Variants in PCDHA2 observed in about 807,000 individuals in gnomAD.
PCDHA2 encodes the protein protocadherin alpha-2.
Under a neutral mutation model 66.0 loss-of-function variants are expected in PCDHA2, and 58 were observed. That is an observed-to-expected ratio of 0.88 (90% CI 0.71 to 1.09). The LOEUF is 1.09. Ranked by LOEUF, PCDHA2 falls within the 50% of genes least tolerant of loss-of-function variation. The pLI is 0.00. For synonymous variants in PCDHA2, 634 were observed against 554.0 expected, an observed-to-expected ratio of 1.14 and a Z score of -2.03; for missense variants, 1,267 against 1,242.3, an observed-to-expected ratio of 1.02 and a Z score of -0.30.
chr5:140,832,284 T>C (rs1771894843), intron 1 of PCDHA2, among the ~76,000 whole-genome samples: 1 of 152,202 alleles, frequency 6.6e-6, no homozygotes, highest in Non-Finnish European at 1.5e-5. Context: ...TAAGCATGAA[T>C]GGTGTATTTG....
chr5:140,808,705 C>G (rs1562218779), intron 1 of PCDHA2: 1 of 1,612,176 alleles, frequency 6.2e-7, no homozygotes, highest in Admixed American at 1.7e-5. Flanking sequence ...CGCTGTCGAG[C>G]TACGTTTCGG....
chr5:140,870,579 G>T (rs1388213173), intron 1 of PCDHA2: 4 of 1,613,744 alleles, frequency 2.5e-6, no homozygotes, highest in Admixed American at 1.7e-5. Context: ...TGTCCTACTC[G>T]CTGGTGGAGC....
intron 1 of PCDHA2, chr5:140,864,182 TA>T: frequency 6.6e-6 from 1 of 152,352 alleles, no homozygotes; most frequent in East Asian, 1.9e-4. Context: ...TCATGATGAA[TA>T]ATGATCCTTA....
At chr5:140,836,674 C>CA in intron 1 of PCDHA2, 1 of 1,613,468 alleles carries the variant, frequency 6.2e-7, no homozygotes. Context: ...GGGGAGGGCC[C>CA]ACCCAAGACA....
chr5:140,856,440 G>C, intron 1 of PCDHA2: 2 of 1,598,404 alleles, frequency 1.3e-6, no homozygotes, highest in East Asian at 2.2e-5. Context: ...AACCCGCCCA[G>C]GTTCTCCGTA....
intron 1 of PCDHA2, among the ~76,000 whole-genome samples, chr5:140,957,708 T>TA (rs1330263414): frequency 6.6e-6 from 1 of 152,124 alleles, no homozygotes; most frequent in Non-Finnish European, 1.5e-5. Context: ...ATGTAGTTTT[T>TA]ATTAAGAAAG....
chr5:140,862,685 C>T (rs782248340), intron 1 of PCDHA2: 8 of 552,656 alleles, frequency 1.4e-5, no homozygotes, highest in Non-Finnish European at 1.8e-5. Flanking sequence ...GTGCTGGTGT[C>T]CTACTCGTTG....
intron 1 of PCDHA2, chr5:140,848,792 C>CAG (rs2150420729): frequency 1.3e-6 from 2 of 1,592,840 alleles, no homozygotes; most frequent in Non-Finnish European, 8.6e-7. Context: ...GCGGGCGGAG[C>CAG]GCGGAGTGCA....
intron 1 of PCDHA2, chr5:140,834,284 A>T: frequency 8.6e-7 from 1 of 1,167,116 alleles, no homozygotes; most frequent in Non-Finnish European, 1.2e-6. Flanking sequence ...TTGGATGCAC[A>T]ACAATGGCCA....
At chr5:140,836,614 C>G in intron 1 of PCDHA2, 1 of 1,613,584 alleles carries the variant, frequency 6.2e-7, no homozygotes, top group Non-Finnish European at 8.5e-7. Context: ...TGCTCCAGCG[C>G]GGTGGGGAGC....
At chr5:140,889,113 G>C (rs1256051132) in intron 1 of PCDHA2, among the ~76,000 whole-genome samples, 1 of 151,370 alleles carries the variant, frequency 6.6e-6, no homozygotes, top group East Asian at 1.9e-4. Context: ...TTTATTCCAG[G>C]TGATACTGAT....
intron 3 of PCDHA2, among the ~76,000 whole-genome samples, chr5:141,002,755 T>C (rs894161079): frequency 3.3e-5 from 5 of 152,174 alleles, no homozygotes; most frequent in Non-Finnish European, 7.3e-5. Flanking sequence ...GACAACCCTG[T>C]GATGTAGACA....
chr5:140,804,261 T>C (rs1212354141), intron 1 of PCDHA2: 1 of 152,214 alleles, frequency 6.6e-6, no homozygotes, highest in Non-Finnish European at 1.5e-5. Flanking sequence ...AGAATAACAA[T>C]TGCATTTAGA....
intron 3 of PCDHA2, among the ~76,000 whole-genome samples, chr5:140,994,778 G>A (rs1488910527): frequency 1.3e-5 from 2 of 152,152 alleles, no homozygotes; most frequent in Non-Finnish European, 2.9e-5. Flanking sequence ...TCCAGGCAAA[G>A]GAAACAATGC....
intron 1 of PCDHA2, chr5:140,823,943 CG>C: frequency 1.9e-6 from 3 of 1,613,918 alleles, no homozygotes; most frequent in Non-Finnish European, 2.5e-6. Context: ...CTGCGGTGCT[CG>C]GCGCAGCCCA....
At chr5:141,009,439 G>A (rs187486568) in intron 3 of PCDHA2, among the ~76,000 whole-genome samples, 188 bp from the exon 4 acceptor site, 1 of 152,244 alleles carries the variant, frequency 6.6e-6, no homozygotes, top group East Asian at 1.9e-4. Context: ...GGGAAATCCT[G>A]TCTCAAAAAA....
chr5:140,829,655 C>G, intron 1 of PCDHA2: 3 of 1,612,510 alleles, frequency 1.9e-6, no homozygotes, highest in Non-Finnish European at 2.5e-6. Context: ...CGCGCTGCAG[C>G]CGCTGGACCA....
chr5:140,823,396 G>A (rs17844295), intron 1 of PCDHA2: 3 of 1,612,796 alleles, frequency 1.9e-6, no homozygotes, highest in South Asian at 2.2e-5. Flanking sequence ...CGACGCGGGC[G>A]TGCCGCCTCT....
chr5:140,800,081 G>A (rs1409561561), intron 1 of PCDHA2, among the ~76,000 whole-genome samples: 1 of 152,068 alleles, frequency 6.6e-6, no homozygotes, highest in African/African-American at 2.4e-5. Context: ...CTGGAATCTA[G>A]AAATTCATCA....
Sources: gnomAD v4.1 joint callset for allele counts (sites outside exome capture counted in the v4.1 genomes callset) on GRCh38, gnomAD v4.1.1 for gene constraint, MANE v1.5 for transcripts, NCBI Gene and HGNC (gene_info 2026-07-23, HGNC 2026-07-21) for gene names.